Variants in FRMD3 observed in about 807,000 individuals in gnomAD.
FRMD3 encodes the protein FERM domain containing 3.
Under a neutral mutation model 70.2 loss-of-function variants are expected in FRMD3, and 33 were observed. The ratio of observed to expected loss-of-function variants is 0.47; its 90% CI spans 0.36 to 0.63. The LOEUF is 0.63. Among genes scored for constraint, FRMD3 ranks in the 20% least tolerant of loss-of-function variants. FRMD3 has a pLI of 0.00. For missense variants in FRMD3, 632 were observed against 711.4 expected (o/e 0.89, Z 1.27); for synonymous variants, 279 against 255.9 (o/e 1.09, Z -0.86).
rs976704439 is a variant in FRMD3 at position 83,298,616 on chromosome 9, T to C, written c.1070+132A>G. On this transcript the variant is annotated intron_variant, in intron 12 of 13. Transcript: ENST00000304195. ...ATGCCATGGCCCAGGCAAATCTGTC[T>C]GAGTGAGATGTCTAAGGAAGTGAGA... 3.6e-5 allele frequency: 25 copies of C among 695,904 alleles called. 1 individual carries two copies. The Admixed American group carries it at 5.5e-4, about 15-fold the overall frequency. The allele number at this position is 695,904 out of a possible 1,614,324, so 43.1% of individuals were successfully genotyped here.
At chr9:83,563,781 G>A in the FRMD3 span, among the ~76,000 whole-genome samples, 1 of 152,098 alleles carries the variant, frequency 6.6e-6, no homozygotes, top group Non-Finnish European at 1.5e-5. Context: ...GATGGGGCTG[G>A]GGAAGACTGG....
At chr9:83,274,209 A>G (rs932804446) in intron 13 of FRMD3, among the ~76,000 whole-genome samples, 3 of 152,134 alleles carry the variant, frequency 2.0e-5, no homozygotes, top group African/African-American at 7.2e-5. Context: ...AGCAAATTAG[A>G]ACTCTGGATT....
chr9:83,339,783 C>T (rs1823696483), intron 5 of FRMD3, among the ~76,000 whole-genome samples: 1 of 152,142 alleles, frequency 6.6e-6, no homozygotes, highest in South Asian at 2.1e-4. Flanking sequence ...TGCCATGTGG[C>T]CCCCTAGCAA....
At chr9:83,488,179 G>A (rs547807692) in intron 1 of FRMD3, among the ~76,000 whole-genome samples, 1 of 152,150 alleles carries the variant, frequency 6.6e-6, no homozygotes, top group African/African-American at 2.4e-5. Context: ...ATCCTATTAC[G>A]GCTATGTAAT....
At position 83,344,005 on chromosome 9, in the gene FRMD3, T is replaced by C. The variant is rs1823867422; in HGVS notation, c.375-718A>G. Among the ~76,000 whole-genome samples, 3 of 152,236 alleles carry C rather than the reference T, an allele frequency of 2.0e-5. No individual in the cohort carries two copies. The South Asian group carries it at 6.2e-4, about 31-fold the overall frequency. On this transcript the variant is annotated intron_variant, in intron 4 of 13. Coordinates refer to ENST00000304195, the MANE Select transcript of FRMD3 (RefSeq NM_174938.6). ...CACAGCTCCAGCCTAGTGCTGCCAC[T>C]AGAAAAGCACTTTGTCCAGTTTTTC...
intron 4 of FRMD3, among the ~76,000 whole-genome samples, chr9:83,348,718 C>CCA (rs943151648): frequency 1.3e-5 from 2 of 151,844 alleles, no homozygotes; most frequent in African/African-American, 4.8e-5. Context: ...ACCCTCATTT[C>CCA]CACACACACA....
intron 4 of FRMD3, among the ~76,000 whole-genome samples, chr9:83,347,698 A>G (rs1287601791): frequency 6.6e-6 from 1 of 152,238 alleles, no homozygotes; most frequent in African/African-American, 2.4e-5. Flanking sequence ...CTTCTCACAT[A>G]TTAAATTCTT....
At chr9:83,425,329 C>T (rs748814760) in intron 1 of FRMD3, among the ~76,000 whole-genome samples, 2 of 152,232 alleles carry the variant, frequency 1.3e-5, no homozygotes, top group East Asian at 1.9e-4. Flanking sequence ...CAACCTGGGA[C>T]GTGACAACTG....
At chr9:83,494,875 G>A (rs560992499) in intron 1 of FRMD3, among the ~76,000 whole-genome samples, 7 of 151,170 alleles carry the variant, frequency 4.6e-5, no homozygotes, top group African/African-American at 7.3e-5. Context: ...GCGCATGTGC[G>A]TGTGTATATA....
At chr9:83,453,045 G>C (rs557344381) in intron 1 of FRMD3, among the ~76,000 whole-genome samples, 2 of 151,454 alleles carry the variant, frequency 1.3e-5, no homozygotes, top group African/African-American at 4.9e-5. Flanking sequence ...TAGTAGACAC[G>C]GGGTTTCGCC....
rs116708972 is a variant in FRMD3 at position 83,463,817 on chromosome 9, C to T, written c.148-74109G>A. Among the ~76,000 whole-genome samples the T allele has an allele frequency of 2.8e-3, 423 of 152,304 alleles. 2 individuals are homozygous for T. Among genetic ancestry groups the T allele is most frequent in the African/African-American group, 9.3e-3 (386 of 41,560 alleles). ...TGCCCACCCCATAAAGAAATTGGGC[C>T]CTTGCCCATTGATGGCCAGTGTGTC... On this transcript the variant is annotated intron_variant, in intron 1 of 13. Transcript: ENST00000304195.
intron 1 of FRMD3, among the ~76,000 whole-genome samples, chr9:83,449,888 T>A (rs1179551013): frequency 6.6e-6 from 1 of 152,196 alleles, no homozygotes; most frequent in Admixed American, 6.5e-5. Context: ...CTGTAATGTA[T>A]GGAAATACTC....
intron 1 of FRMD3, among the ~76,000 whole-genome samples, chr9:83,392,322 C>T (rs193173636): frequency 2.4e-4 from 36 of 152,164 alleles, no homozygotes; most frequent in African/African-American, 4.8e-4. Context: ...CCTGGAAATC[C>T]GAAGTCTGTA....
At chr9:83,494,771 G>A (rs1316067870) in intron 1 of FRMD3, among the ~76,000 whole-genome samples, 2 of 151,904 alleles carry the variant, frequency 1.3e-5, no homozygotes, top group Non-Finnish European at 2.9e-5. Context: ...TAACTAGCTG[G>A]GCATAGTGGC....
At chr9:83,297,133 C>T (rs932609281) in intron 12 of FRMD3, among the ~76,000 whole-genome samples, 8 of 152,156 alleles carry the variant, frequency 5.3e-5, no homozygotes, top group Admixed American at 4.6e-4. Flanking sequence ...CTTTGAGACT[C>T]AAAAAGCCTT....
chr9:83,519,080 G>C (rs1245481103), intron 1 of FRMD3, among the ~76,000 whole-genome samples: 4 of 152,102 alleles, frequency 2.6e-5, no homozygotes, highest in Non-Finnish European at 5.9e-5. Context: ...ACATAGGCAT[G>C]GACAAAGACT....
At chr9:83,251,474 C>T (rs1177544071) in intron 13 of FRMD3, among the ~76,000 whole-genome samples, 1 of 152,194 alleles carries the variant, frequency 6.6e-6, no homozygotes, top group East Asian at 1.9e-4. Flanking sequence ...CAAATGACCA[C>T]AATATCTCTC....
chr9:83,408,429 A>G (rs1301851187), intron 1 of FRMD3, among the ~76,000 whole-genome samples: 3 of 152,054 alleles, frequency 2.0e-5, no homozygotes, highest in African/African-American at 7.2e-5. Flanking sequence ...CACTGGGCCC[A>G]AGGGTCAGGC....
At chr9:83,573,842 T>C in the FRMD3 span, among the ~76,000 whole-genome samples, 1 of 151,128 alleles carries the variant, frequency 6.6e-6, no homozygotes, top group African/African-American at 2.4e-5. Context: ...ACTGATGAAA[T>C]AGTAAAAGCG....
Sources: allele counts gnomAD v4.1 joint callset (sites outside exome capture counted in the v4.1 genomes callset), GRCh38; gene constraint gnomAD v4.1.1; transcripts MANE v1.5; gene names NCBI Gene and HGNC (gene_info 2026-07-23, HGNC 2026-07-21).